The following WDR49 variants were observed in gnomAD, a reference collection of about 807,000 sequenced individuals.
WDR49 encodes the protein cilia- and flagella-associated protein 337.
WDR49 carries 107 observed loss-of-function variants against 119.5 expected under a neutral mutation model. The observed-to-expected ratio is 0.90, with a 90% CI of 0.77 to 1.05. The LOEUF is 1.05. Among genes scored for constraint, WDR49 ranks in the 50% least tolerant of loss-of-function variants. The pLI is 0.00. For missense variants in WDR49, 1,240 were observed against 1,220.5 expected (o/e 1.02, Z -0.24); for synonymous variants, 425 against 418.8 (o/e 1.01, Z -0.18).
At chr3:167,582,979 C>A (rs1159975961) in intron 7 of WDR49, among the ~76,000 whole-genome samples, 2 of 151,734 alleles carry the variant, frequency 1.3e-5, no homozygotes, top group Non-Finnish European at 2.9e-5. Context: ...TACACACACA[C>A]ACACACACAC....
chr3:167,643,666 G>C (rs1165787367), intron 2 of WDR49, among the ~76,000 whole-genome samples: 2 of 151,948 alleles, frequency 1.3e-5, no homozygotes, highest in African/African-American at 2.4e-5. Context: ...TTGTTCCTAG[G>C]GAAGTTTACT....
At chr3:167,479,207 C>T (rs1393235972) in intron 18 of WDR49, among the ~76,000 whole-genome samples, 1 of 152,004 alleles carries the variant, frequency 6.6e-6, no homozygotes, top group African/African-American at 2.4e-5. Flanking sequence ...AGAGTTTGTT[C>T]TTTTAATGCA....
At chr3:167,646,611 G>A (rs1718142388) in intron 2 of WDR49, among the ~76,000 whole-genome samples, 1 of 152,152 alleles carries the variant, frequency 6.6e-6, no homozygotes, top group Non-Finnish European at 1.5e-5. Context: ...TGCTTGTGAG[G>A]AACTGAACTT....
chr3:167,513,208 G>T (rs953955539), intron 16 of WDR49, among the ~76,000 whole-genome samples: 1 of 152,006 alleles, frequency 6.6e-6, no homozygotes, highest in Non-Finnish European at 1.5e-5. Context: ...AGAGAGAAAG[G>T]CCAAGTCAAT....
Position 167,522,478 on chromosome 3 carries a change from G to A in WDR49, c.2611C>T (p.His871Tyr). 1 of 1,585,286 alleles carries A rather than the reference G, an allele frequency of 6.3e-7. No individual in the cohort carries two copies. Among genetic ancestry groups the A allele is most frequent in the Non-Finnish European group, 8.5e-7 (1 of 1,173,302 alleles). The change falls in exon 16 of 19, where the codon CAC becomes TAC. Residue 871 changes from histidine to tyrosine, a missense_variant. His to Tyr is a moderately conservative substitution (Grantham distance 83, BLOSUM62 2). Transcript: ENST00000682715. ...APVWIFGQAK[H>Y]WHIENCLFLP... is the part of the protein sequence containing the mutation. ...AAAAGGCAGTTTTCAATATGCCAGT[G>A]CTTTGCCTGAAAAAAACGAAAACAT...
At chr3:167,642,612 C>T (rs996083078) in intron 2 of WDR49, among the ~76,000 whole-genome samples, 1 of 151,852 alleles carries the variant, frequency 6.6e-6, no homozygotes, top group Non-Finnish European at 1.5e-5. Flanking sequence ...CTAGCTATGT[C>T]AACTGAAAGT....
intron 10 of WDR49, among the ~76,000 whole-genome samples, chr3:167,544,779 G>C (rs1041011325): frequency 2.0e-5 from 3 of 151,872 alleles, no homozygotes; most frequent in African/African-American, 7.3e-5. Flanking sequence ...CATTGACTTA[G>C]GCAAAGAGTT....
At chr3:167,593,029 T>C (rs1311147252) in intron 7 of WDR49, among the ~76,000 whole-genome samples, 1 of 152,216 alleles carries the variant, frequency 6.6e-6, no homozygotes, top group Non-Finnish European at 1.5e-5. Flanking sequence ...CTTAGGATTC[T>C]TTCTTTATCC....
upstream of WDR49, among the ~76,000 whole-genome samples, chr3:167,655,099 G>A (rs1342506789): frequency 6.6e-6 from 1 of 152,084 alleles, no homozygotes; most frequent in Non-Finnish European, 1.5e-5. Flanking sequence ...TGGCTGGGGA[G>A]GCCTCAAAAT....
At chr3:167,497,035 T>A (rs1234442907) in intron 18 of WDR49, among the ~76,000 whole-genome samples, 2 of 152,196 alleles carry the variant, frequency 1.3e-5, no homozygotes, top group African/African-American at 4.8e-5. Context: ...TCCTCACTAT[T>A]TCCTTGTTTT....
intron 2 of WDR49, among the ~76,000 whole-genome samples, chr3:167,641,993 G>A (rs1300681393): frequency 6.6e-6 from 1 of 151,656 alleles, no homozygotes; most frequent in Non-Finnish European, 1.5e-5. Flanking sequence ...AGAATAAAAT[G>A]TTCAGAAGTT....
chr3:167,597,073 A>T (rs1225122396), intron 7 of WDR49, among the ~76,000 whole-genome samples: 1 of 152,116 alleles, frequency 6.6e-6, no homozygotes, highest in Non-Finnish European at 1.5e-5. Context: ...AAATGTCTCC[A>T]GGGCATTTTG....
chr3:167,574,498 C>T (rs979125070), intron 8 of WDR49, among the ~76,000 whole-genome samples: 2 of 152,244 alleles, frequency 1.3e-5, no homozygotes, highest in South Asian at 4.1e-4. Flanking sequence ...CATATCAATG[C>T]TTATCATTAT....
At chr3:167,520,243 CAA>C (rs556160602) in intron 16 of WDR49, among the ~76,000 whole-genome samples, 4 of 125,012 alleles carry the variant, frequency 3.2e-5, no homozygotes, top group East Asian at 4.6e-4. Flanking sequence ...AAGACAGCCT[CAA>C]AAAAAAAAAA....
intron 18 of WDR49, among the ~76,000 whole-genome samples, chr3:167,495,160 T>A (rs13085265): frequency 0.18 from 27,034 of 151,588 alleles, 3,589 homozygotes; most frequent in African/African-American, 0.38. Context: ...AGAGGAAAAA[T>A]ATATATATTA....
At chr3:167,594,816 G>C (rs553642806) in intron 7 of WDR49, among the ~76,000 whole-genome samples, 3 of 149,972 alleles carry the variant, frequency 2.0e-5, no homozygotes, top group Non-Finnish European at 4.4e-5. Context: ...ACAAGACAGG[G>C]ATGCCCTCTC....
chr3:167,618,730 A>G (rs1214741779), intron 5 of WDR49, among the ~76,000 whole-genome samples: 1 of 152,222 alleles, frequency 6.6e-6, no homozygotes, highest in African/African-American at 2.4e-5. Context: ...GGTCATAAAC[A>G]TGAATCTCCA....
At chr3:167,615,973 A>C (rs1484701805) in intron 5 of WDR49, among the ~76,000 whole-genome samples, 1 of 152,366 alleles carries the variant, frequency 6.6e-6, no homozygotes, top group East Asian at 1.9e-4. Flanking sequence ...GAGTGCTTCA[A>C]AGTGAACATG....
At chr3:167,533,735 C>A (rs1752926691) in intron 11 of WDR49, among the ~76,000 whole-genome samples, 1 of 152,046 alleles carries the variant, frequency 6.6e-6, no homozygotes, top group South Asian at 2.1e-4. Context: ...GAAGTCTGAG[C>A]AACCATGTCC....
Sources: allele counts gnomAD v4.1 joint callset (sites outside exome capture counted in the v4.1 genomes callset), GRCh38; gene constraint gnomAD v4.1.1; transcripts MANE v1.5; gene names NCBI Gene and HGNC (gene_info 2026-07-23, HGNC 2026-07-21).